The following LETM1 variants were observed in gnomAD, a reference collection of about 807,000 sequenced individuals.
LETM1 encodes mitochondrial proton/calcium exchanger protein.
Under a neutral mutation model 74.5 loss-of-function variants are expected in LETM1, and 50 were observed. The observed-to-expected ratio is 0.67, with a 90% CI of 0.53 to 0.85. LETM1 has a LOEUF of 0.85. LETM1 is among the 40% of genes least tolerant of loss of function. The pLI is 0.00. For synonymous variants in LETM1, 446 were observed against 407.1 expected (o/e 1.10, Z -1.15); for missense variants, 824 against 967.8 (o/e 0.85, Z 1.97).
intron 2 of LETM1, among the ~76,000 whole-genome samples, chr4:1,844,135 C>T (rs1712799151): frequency 2.0e-5 from 3 of 152,310 alleles, no homozygotes; most frequent in South Asian, 4.1e-4. Flanking sequence ...GAGAAGCACA[C>T]GATGGACTCA....
intron 2 of LETM1, among the ~76,000 whole-genome samples, chr4:1,848,504 C>T (rs1225217528): frequency 1.4e-4 from 21 of 149,572 alleles, no homozygotes; most frequent in African/African-American, 4.4e-4. Context: ...GCTGATATTG[C>T]GCCACTGCAC....
chr4:1,834,864 AAGT>A lies in LETM1; in HGVS notation c.854_856del (p.Asp285_Phe286delinsVal). 6.2e-7 allele frequency: 1 copy of A among 1,614,066 alleles called. No individual in the cohort carries two copies. ...CAGCACCTTCTGGAAAAACACAGAG[AAGT>A]CTTTGGTGGCGCTGCCCTTGGCTGC... On this transcript the variant is annotated inframe_deletion, in exon 5 of 14. Transcript: ENST00000302787. This position sits in a 1 kb window ranked among gnomAD's most constrained non-coding sequence, Gnocchi z 5.0.
rs541159973 is a variant in LETM1 at position 1,821,591 on chromosome 4, G to C, written c.1608+590C>G. On this transcript the variant is annotated intron_variant, in intron 10 of 13. Coordinates refer to ENST00000302787, the MANE Select transcript of LETM1 (RefSeq NM_012318.3). Reference sequence around the variant, plus strand: ...GTACTCCCAGATATTGGGAGGCTGAGGCAGAAGAGTTGCTTGAACCTGGGA... The same window carrying C: ...GTACTCCCAGATATTGGGAGGCTGACGCAGAAGAGTTGCTTGAACCTGGGA... Among the ~76,000 whole-genome samples, 3 of 152,260 alleles carry C rather than the reference G, an allele frequency of 2.0e-5. No homozygotes were observed. In the East Asian group the frequency reaches 5.8e-4, roughly 30 times the overall value.
chr4:1,814,387 C>T lies in LETM1; in HGVS notation c.*37G>A, dbSNP rs777363319. The T allele has an allele frequency of 2.4e-5, 38 of 1,613,480 alleles. No individual in the cohort carries two copies. The highest frequency in any genetic ancestry group is 3.3e-4 in the Middle Eastern group (2 of 6,048). ...GCCCTCACGGCCCTTGCCAGGGTGA[C>T]GGCACAGCAGGAGGACAGGTGCCCA... On this transcript the variant is annotated 3_prime_UTR_variant, in exon 14 of 14. Coordinates refer to ENST00000302787, the MANE Select transcript of LETM1 (RefSeq NM_012318.3).
chr4:1,826,432 C>G (rs1270896277), intron 6 of LETM1, among the ~76,000 whole-genome samples: 1 of 152,246 alleles, frequency 6.6e-6, no homozygotes, highest in Non-Finnish European at 1.5e-5. Context: ...CCTCCCCTAG[C>G]ATAATGTCTC....
intron 3 of LETM1, among the ~76,000 whole-genome samples, chr4:1,837,216 C>G (rs867926193): frequency 6.6e-6 from 1 of 152,252 alleles, no homozygotes; most frequent in African/African-American, 2.4e-5. Flanking sequence ...CCATGTAGTT[C>G]CTACGTTTCC....
intron 7 of LETM1, 53 bp from the exon 8 acceptor site, chr4:1,823,828 C>A: frequency 6.4e-7 from 1 of 1,558,006 alleles, no homozygotes; most frequent in Middle Eastern, 1.7e-4. Flanking sequence ...CCTGCTGGCC[C>A]CACAGCAGGT....
chr4:1,851,252 C>T (rs1490088894), intron 1 of LETM1, among the ~76,000 whole-genome samples: 3 of 152,174 alleles, frequency 2.0e-5, no homozygotes, highest in African/African-American at 4.8e-5. Flanking sequence ...GCAGGTAGCA[C>T]CCTGAGATGC....
At chr4:1,843,058 C>T in intron 2 of LETM1, 1 of 344,914 alleles carries the variant, frequency 2.9e-6, no homozygotes. Flanking sequence ...CTGCTTCCAT[C>T]AGCTCTCTGT....
chr4:1,827,878 C>T (rs1371726509), intron 6 of LETM1, among the ~76,000 whole-genome samples: 1 of 123,650 alleles, frequency 8.1e-6, no homozygotes, highest in Non-Finnish European at 1.5e-5. Flanking sequence ...GGCAGAGGCG[C>T]CCCCCCCACC....
At chr4:1,823,250 C>T (rs768849042) in intron 8 of LETM1, 119 bp from the exon 9 acceptor site, 80 of 1,332,284 alleles carry the variant, frequency 6.0e-5, no homozygotes, top group Non-Finnish European at 7.5e-5. Context: ...TTCACACACA[C>T]AGGACAGAAG....
chr4:1,816,670 G>C, intron 12 of LETM1, 57 bp downstream of exon 12: 1 of 1,537,992 alleles, frequency 6.5e-7, no homozygotes, highest in Non-Finnish European at 8.9e-7. Context: ...CCAGCAAAGG[G>C]ACCAGCCTCC....
intron 2 of LETM1, among the ~76,000 whole-genome samples, chr4:1,844,771 G>A (rs550231010): frequency 6.6e-6 from 1 of 151,626 alleles, no homozygotes; most frequent in South Asian, 2.1e-4. Context: ...CTATCAGCTG[G>A]GCACCATGGC....
intron 9 of LETM1, 168 bp from the exon 10 acceptor site, chr4:1,822,480 G>A (rs550591401): frequency 2.4e-4 from 169 of 701,444 alleles, no homozygotes; most frequent in Admixed American, 4.2e-4. Context: ...CCATGCAGCT[G>A]CCAGGTCACC....
Position 1,849,558 on chromosome 4 carries a change from G to A in LETM1, c.83-349C>T, listed in dbSNP as rs182172662. Reference sequence around the variant, plus strand: ...GCTGGGATTACAGGCATGAGCCACCGTGCTCAGCCTTTTGTTCATTTTGAT... The same window carrying A: ...GCTGGGATTACAGGCATGAGCCACCATGCTCAGCCTTTTGTTCATTTTGAT... On this transcript the variant is annotated intron_variant, in intron 1 of 13. Transcript: ENST00000302787. Among the ~76,000 whole-genome samples, 63 of 152,066 alleles carry A rather than the reference G, an allele frequency of 4.1e-4. 1 individual carries two copies. In the East Asian group the frequency reaches 0.01, roughly 25 times the overall value.
chr4:1,852,763 G>C (rs911234437), intron 1 of LETM1, among the ~76,000 whole-genome samples: 2 of 152,174 alleles, frequency 1.3e-5, no homozygotes, highest in African/African-American at 2.4e-5. Context: ...AACATCAGCT[G>C]GCAGGAGGAT....
At chr4:1,854,784 C>A (rs1034463344) in intron 1 of LETM1, among the ~76,000 whole-genome samples, 1 of 151,964 alleles carries the variant, frequency 6.6e-6, no homozygotes, top group African/African-American at 2.4e-5. Flanking sequence ...CAGATTGAGA[C>A]TCTGTCTTTA....
chr4:1,845,201 G>GA (rs1248739562), intron 2 of LETM1, among the ~76,000 whole-genome samples: 8 of 151,854 alleles, frequency 5.3e-5, no homozygotes, highest in Non-Finnish European at 1.0e-4. Flanking sequence ...CGCACCCCCC[G>GA]AAAAAAATGA....
Position 1,819,377 on chromosome 4 carries a change from C to A in LETM1, c.1704G>T (p.Glu568Asp), listed in dbSNP as rs747259675. ...GCACATCCTCCTTCAGCAGCTCCAGCTCCTCCTTCTCCTTGGTGAGTGACT... is the reference window on the plus strand; with the variant it reads ...GCACATCCTCCTTCAGCAGCTCCAGATCCTCCTTCTCCTTGGTGAGTGACT... Reference protein sequence around the residue: ...QKKSLTKEKEELELLKEDVQD... With the variant: ...QKKSLTKEKEDLELLKEDVQD... The change falls in exon 11 of 14, where the codon GAG becomes GAT. Residue 568 changes from glutamate to aspartate, a missense_variant. Transcript: ENST00000302787. The A allele has an allele frequency of 5.0e-6, 8 of 1,613,648 alleles. No homozygotes were observed. The East Asian group carries it at 1.8e-4, about 36-fold the overall frequency.
Sources: allele counts gnomAD v4.1 joint callset (sites outside exome capture counted in the v4.1 genomes callset), GRCh38; gene constraint gnomAD v4.1.1; non-coding constraint Gnocchi (gnomAD v3.1); transcripts MANE v1.5; gene names NCBI Gene and HGNC (gene_info 2026-07-23, HGNC 2026-07-21).